IL17B: variants seen among roughly 807,000 people sequenced by gnomAD.
IL17B encodes the protein interleukin-17B.
Under a neutral mutation model 14.7 loss-of-function variants are expected in IL17B, and 14 were observed. The observed-to-expected ratio is 0.95, with a 90% CI of 0.63 to 1.49. The LOEUF is 1.49. Ranked by LOEUF, IL17B falls within the 40% of genes most tolerant of loss-of-function variation. The pLI, the probability that IL17B is intolerant of heterozygous loss-of-function variation, is 0.00. For missense variants in IL17B, 233 were observed against 252.8 expected, an observed-to-expected ratio of 0.92 and a Z score of 0.53; for synonymous variants, 105 against 94.8, an observed-to-expected ratio of 1.11 and a Z score of -0.62.
intron 1 of IL17B, among the ~76,000 whole-genome samples, chr5:149,403,354 G>C (rs1414041720): frequency 6.6e-6 from 1 of 152,112 alleles, no homozygotes; most frequent in Non-Finnish European, 1.5e-5. Context: ...CCAAAGTGCT[G>C]GGATTACAGG....
intron 1 of IL17B, among the ~76,000 whole-genome samples, chr5:149,396,620 C>CA (rs1759096514): frequency 6.6e-6 from 1 of 152,034 alleles, no homozygotes; most frequent in Non-Finnish European, 1.5e-5. Context: ...TAGCCAGGCG[C>CA]AGCGGTGTAC....
At position 149,377,011 on chromosome 5, in the gene IL17B, G is replaced by A. The variant is rs763768674; in HGVS notation, c.36C>T (p.Thr12=). The A allele has an allele frequency of 6.4e-7, 1 of 1,554,262 alleles. No homozygotes were observed. Among genetic ancestry groups the A allele is most frequent in the Non-Finnish European group, 8.7e-7 (1 of 1,155,792 alleles). Residue 12 remains threonine (T), a synonymous_variant, in exon 2 of 3, where the codon ACC becomes ACT. Transcript: ENST00000261796. ...GGCCCAGCCCCAGGAAGATGGAAAT[G>A]GTAAGAAGAAACAGCTGGGGAGGAA... ...DWPHNLLFLL[T]ISIFLGLGQP...
chr5:149,393,789 T>A (rs780564503), intron 1 of IL17B, among the ~76,000 whole-genome samples: 8 of 152,168 alleles, frequency 5.3e-5, no homozygotes, highest in African/African-American at 7.2e-5. Flanking sequence ...GAACTACCCG[T>A]GGACTTTTCA....
intron 1 of IL17B, among the ~76,000 whole-genome samples, chr5:149,396,255 T>G (rs1759089957): frequency 6.6e-6 from 1 of 152,252 alleles, no homozygotes; most frequent in African/African-American, 2.4e-5. Context: ...GCTTCACTTT[T>G]TCCAGTCATT....
At chr5:149,395,333 G>C (rs745545162) in intron 1 of IL17B, among the ~76,000 whole-genome samples, 13 of 152,172 alleles carry the variant, frequency 8.5e-5, no homozygotes, top group Non-Finnish European at 1.2e-4. Flanking sequence ...ACACTGCAAT[G>C]ACACATGCAT....
chr5:149,390,194 C>T (rs1011590386), intron 1 of IL17B, among the ~76,000 whole-genome samples: 2 of 149,882 alleles, frequency 1.3e-5, no homozygotes, highest in Admixed American at 6.7e-5. Flanking sequence ...AATTGAATTC[C>T]CCTGCTATTA....
At chr5:149,376,698 A>AC (rs746646216) in intron 2 of IL17B, 38 bp downstream of exon 2, 1 of 1,561,582 alleles carries the variant, frequency 6.4e-7, no homozygotes, top group Admixed American at 1.9e-5. Context: ...AAAGGTCCCC[A>AC]CCCCCCAAAG....
intron 1 of IL17B, among the ~76,000 whole-genome samples, chr5:149,386,276 G>A (rs1758827153): frequency 6.6e-6 from 1 of 152,198 alleles, no homozygotes; most frequent in African/African-American, 2.4e-5. Flanking sequence ...TCAGCACCTG[G>A]CTCAGGGAGC....
chr5:149,396,237 G>A (rs1759089711), intron 1 of IL17B, among the ~76,000 whole-genome samples: 1 of 152,206 alleles, frequency 6.6e-6, no homozygotes, highest in Non-Finnish European at 1.5e-5. Context: ...AATCAGCATT[G>A]ATAAAGTGCT....
At chr5:149,392,694 A>T (rs1260107944) in intron 1 of IL17B, among the ~76,000 whole-genome samples, 1 of 152,238 alleles carries the variant, frequency 6.6e-6, no homozygotes, top group Non-Finnish European at 1.5e-5. Flanking sequence ...TGTGATGGTG[A>T]CAATGTATAG....
upstream of IL17B, among the ~76,000 whole-genome samples, chr5:149,384,241 G>A (rs1758773029): frequency 6.6e-6 from 1 of 152,156 alleles, no homozygotes; most frequent in Admixed American, 6.5e-5. Flanking sequence ...AATGGTGGTT[G>A]GACATTTGCC....
At chr5:149,384,813 A>C (rs942143415) in intron 1 of IL17B, among the ~76,000 whole-genome samples, 2 of 152,044 alleles carry the variant, frequency 1.3e-5, no homozygotes, top group African/African-American at 4.8e-5. Context: ...GAAAAGAGTG[A>C]TCTCTCTATC....
chr5:149,377,381 A>T (rs1758573573), intron 1 of IL17B, among the ~76,000 whole-genome samples: 1 of 152,164 alleles, frequency 6.6e-6, no homozygotes, highest in Non-Finnish European at 1.5e-5. Context: ...TTGGGCTCTC[A>T]TAACCCACAC....
In IL17B at chr5:149,375,529, G is replaced by A. The variant is rs568928487; in HGVS notation, c.312-929C>T. Reference sequence around the variant, plus strand: ...AGCTCCGTTCTGGAGGATCTTTACCGACCCTTCCAATGGTCACATTCTGGA... The same window carrying A: ...AGCTCCGTTCTGGAGGATCTTTACCAACCCTTCCAATGGTCACATTCTGGA... On this transcript the variant is annotated intron_variant, in intron 2 of 2. Coordinates refer to ENST00000261796, the MANE Select transcript of IL17B (RefSeq NM_014443.3). Among the ~76,000 whole-genome samples the A allele has an allele frequency of 2.0e-4, 31 of 152,316 alleles. No individual in the cohort carries two copies. In the East Asian group the frequency reaches 5.0e-3, roughly 25 times the overall value.
intron 1 of IL17B, among the ~76,000 whole-genome samples, chr5:149,386,406 G>A (rs542281167): frequency 7.9e-5 from 12 of 152,220 alleles, no homozygotes; most frequent in Admixed American, 2.0e-4. Flanking sequence ...CTTGATGGCC[G>A]TAGCCAAGGC....
intron 1 of IL17B, among the ~76,000 whole-genome samples, chr5:149,393,003 G>A (rs1436624687): frequency 4.0e-5 from 6 of 150,780 alleles, no homozygotes; most frequent in Admixed American, 2.0e-4. Flanking sequence ...TGTGTGCTGC[G>A]TGTGTGCATG....
At chr5:149,382,285 C>T (rs750642808), upstream of IL17B, among the ~76,000 whole-genome samples, 5 of 151,968 alleles carry the variant, frequency 3.3e-5, no homozygotes, top group Admixed American at 6.6e-5. Flanking sequence ...CAGGCGGTGT[C>T]GGGGTCACCG....
At chr5:149,381,208 C>T (rs542513875), upstream of IL17B, among the ~76,000 whole-genome samples, 9 of 152,346 alleles carry the variant, frequency 5.9e-5, no homozygotes, top group South Asian at 1.7e-3. Flanking sequence ...AATACGCACC[C>T]CTCACTTCTG....
At chr5:149,390,326 G>T (rs961733921) in intron 1 of IL17B, among the ~76,000 whole-genome samples, 2 of 151,822 alleles carry the variant, frequency 1.3e-5, no homozygotes, top group Non-Finnish European at 2.9e-5. Flanking sequence ...GGTGGGGACT[G>T]GTCGGGGACA....
Sources: allele counts gnomAD v4.1 joint callset (sites outside exome capture counted in the v4.1 genomes callset), GRCh38; gene constraint gnomAD v4.1.1; transcripts MANE v1.5; gene names NCBI Gene and HGNC (gene_info 2026-07-23, HGNC 2026-07-21).